EVL: variants seen among roughly 807,000 people sequenced by gnomAD.
The protein encoded by EVL is Enah/Vasp-like.
A neutral mutation model predicts 59.6 loss-of-function variants in EVL; 21 were observed. The ratio of observed to expected loss-of-function variants is 0.35; its 90% CI spans 0.25 to 0.51. The LOEUF is 0.51. Among genes scored for constraint, EVL ranks in the 20% least tolerant of loss-of-function variants. The pLI is 0.97. For missense variants in EVL, 462 were observed against 546.6 expected, an observed-to-expected ratio of 0.85 and a Z score of 1.54; for synonymous variants, 198 against 203.5, an observed-to-expected ratio of 0.97 and a Z score of 0.23.
chr14:99,977,007 C>T (rs1353393547), intron 1 of EVL: 1 of 152,058 alleles, frequency 6.6e-6, no homozygotes, highest in Admixed American at 6.5e-5. Flanking sequence ...GATTAGTCCA[C>T]AGTTACTATC....
At chr14:100,102,367 C>G (rs1467820294) in intron 3 of EVL, 1 of 455,940 alleles carries the variant, frequency 2.2e-6, no homozygotes, top group East Asian at 6.9e-5. Flanking sequence ...TGGAGGCAGC[C>G]TAACGTCATG....
intron 8 of EVL, among the ~76,000 whole-genome samples, chr14:100,133,124 A>G (rs2094656010): frequency 6.6e-6 from 1 of 152,186 alleles, no homozygotes. Context: ...CCAGGAGTAC[A>G]CTGCAGAGGG....
intron 1 of EVL, among the ~76,000 whole-genome samples, chr14:99,980,474 A>G (rs2060799297): frequency 6.6e-6 from 1 of 152,180 alleles, no homozygotes; most frequent in South Asian, 2.1e-4. Context: ...GCCTGTCAAC[A>G]GGTCTGGTTA....
chr14:100,111,557 A>G (rs1223746684), intron 3 of EVL, among the ~76,000 whole-genome samples: 2 of 152,198 alleles, frequency 1.3e-5, no homozygotes, highest in Admixed American at 6.5e-5. Flanking sequence ...AGCATATGGC[A>G]CAGTGAATGC....
chr14:100,000,470 C>G (rs1327262135), intron 1 of EVL, among the ~76,000 whole-genome samples: 1 of 151,708 alleles, frequency 6.6e-6, no homozygotes, highest in Non-Finnish European at 1.5e-5. Flanking sequence ...GCCTCAGCCT[C>G]CCGAGCAGCT....
chr14:99,989,358 CA>C (rs2060861131), intron 1 of EVL, among the ~76,000 whole-genome samples: 1 of 152,200 alleles, frequency 6.6e-6, no homozygotes, highest in Non-Finnish European at 1.5e-5. Context: ...GTTATTAAAA[CA>C]CCATAATTAT....
chr14:100,094,630 G>GCTA (rs1469792571), intron 2 of EVL, among the ~76,000 whole-genome samples: 2 of 152,120 alleles, frequency 1.3e-5, no homozygotes, highest in East Asian at 3.9e-4. Context: ...TGTAGTCCCA[G>GCTA]CTACTCAGGA....
At chr14:100,088,493 G>C (rs1427717840) in intron 2 of EVL, among the ~76,000 whole-genome samples, 2 of 152,166 alleles carry the variant, frequency 1.3e-5, no homozygotes, top group Non-Finnish European at 2.9e-5. Flanking sequence ...CACCTAGGCT[G>C]TATGGTATAG....
At position 100,030,612 on chromosome 14, in the gene EVL, A is replaced by G. The variant is rs573613654; in HGVS notation, c.6-54075A>G. Reference sequence around the variant, plus strand: ...AATGCCAGAAATCAGTCCTTGGAAGATAATCATGTTTGCTACTGAAATGTT... The same window carrying G: ...AATGCCAGAAATCAGTCCTTGGAAGGTAATCATGTTTGCTACTGAAATGTT... On this transcript the variant is annotated intron_variant, in intron 1 of 13. Transcript: ENST00000402714. Among the ~76,000 whole-genome samples the G allele has an allele frequency of 5.3e-5, 8 of 152,336 alleles. No individual in the cohort carries two copies. The South Asian group carries it at 1.7e-3, about 32-fold the overall frequency.
chr14:100,126,052 A>G (rs920594963), intron 4 of EVL, among the ~76,000 whole-genome samples: 1 of 151,724 alleles, frequency 6.6e-6, no homozygotes, highest in South Asian at 2.1e-4. Flanking sequence ...AGTGCCTCCC[A>G]CTCCAGAACT....
intron 8 of EVL, chr14:100,135,030 C>T (rs1888683851): frequency 6.6e-6 from 1 of 152,246 alleles, no homozygotes. Flanking sequence ...CACCCTGTAT[C>T]GCTTTCATCG....
rs149696472 is a variant in EVL, at chr14:100,092,650, G to T, written c.181-4831G>T. On this transcript the variant is annotated intron_variant, in intron 2 of 13. Coordinates refer to ENST00000392920, the MANE Select transcript of EVL (RefSeq NM_016337.3). ...CTTGGGAGGCTGAAGCAGGAGAATC[G>T]CTTGAACCCAGGAGGCAGAGGTTGC... Among the ~76,000 whole-genome samples, 953 of 152,198 alleles carry T rather than the reference G, an allele frequency of 6.3e-3. 10 individuals are homozygous for T. Among genetic ancestry groups the T allele is most frequent in the African/African-American group, 0.022 (899 of 41,524 alleles).
chr14:100,004,649 T>A (rs2060967098), intron 1 of EVL, among the ~76,000 whole-genome samples: 1 of 152,218 alleles, frequency 6.6e-6, no homozygotes. Flanking sequence ...AAATAACCAG[T>A]CATTTTATTC....
At chr14:100,034,142 A>G (rs888907645) in intron 1 of EVL, among the ~76,000 whole-genome samples, 3 of 151,502 alleles carry the variant, frequency 2.0e-5, no homozygotes, top group African/African-American at 7.3e-5. Context: ...AGGCCGAGGC[A>G]TGAGAATTGC....
At chr14:100,099,060 G>GCAC (rs2140322488) in intron 3 of EVL, among the ~76,000 whole-genome samples, 1 of 151,732 alleles carries the variant, frequency 6.6e-6, no homozygotes, top group African/African-American at 2.4e-5. Flanking sequence ...ATATCTACTG[G>GCAC]CGCCAGGCGT....
chr14:100,066,689 T>C (rs932452506), intron 1 of EVL, among the ~76,000 whole-genome samples: 3 of 152,234 alleles, frequency 2.0e-5, no homozygotes, highest in Non-Finnish European at 1.5e-5. Context: ...TAAATTACAT[T>C]GTGAAAACTT....
intron 1 of EVL, among the ~76,000 whole-genome samples, chr14:100,049,670 C>G (rs1371797191): frequency 6.6e-6 from 1 of 151,996 alleles, no homozygotes; most frequent in Admixed American, 6.6e-5. Context: ...TAAAATCCAC[C>G]CTTTGAAAGT....
intron 1 of EVL, among the ~76,000 whole-genome samples, chr14:100,078,038 T>A (rs1191499118): frequency 2.6e-5 from 4 of 152,124 alleles, no homozygotes; most frequent in Non-Finnish European, 5.9e-5. Context: ...CCTCCCAAAG[T>A]GCTGGGATTA....
chr14:100,103,707 C>A (rs1401284309), intron 3 of EVL, among the ~76,000 whole-genome samples: 1 of 152,152 alleles, frequency 6.6e-6, no homozygotes, highest in Non-Finnish European at 1.5e-5. Context: ...TAAGGCCCGG[C>A]TGCTGTTTGG....
Sources: gnomAD v4.1 joint callset for allele counts (sites outside exome capture counted in the v4.1 genomes callset) on GRCh38, gnomAD v4.1.1 for gene constraint, MANE v1.5 for transcripts, NCBI Gene and HGNC (gene_info 2026-07-23, HGNC 2026-07-21) for gene names.